Variants in TAFA1 observed in about 807,000 individuals in gnomAD.
TAFA1 encodes TAFA chemokine like family member 1.
A neutral mutation model predicts 18.5 loss-of-function variants in TAFA1; 4 were observed. That is an observed-to-expected ratio of 0.22 (90% CI 0.11 to 0.49). The LOEUF is 0.49. TAFA1 is among the 20% of genes least tolerant of loss of function. TAFA1 has a pLI of 0.98. For missense variants in TAFA1, 147 were observed against 169.0 expected (o/e 0.87, Z 0.72); for synonymous variants, 56 against 55.2 (o/e 1.01, Z -0.06).
chr3:68,211,382 G>T (rs2066594691), intron 2 of TAFA1, among the ~76,000 whole-genome samples: 1 of 152,024 alleles, frequency 6.6e-6, no homozygotes, highest in Non-Finnish European at 1.5e-5. Context: ...TAAGAGAGAA[G>T]ATTCTAAACA....
At chr3:68,360,070 G>A (rs2069441643) in intron 2 of TAFA1, among the ~76,000 whole-genome samples, 1 of 151,908 alleles carries the variant, frequency 6.6e-6, no homozygotes, top group Non-Finnish European at 1.5e-5. Flanking sequence ...ATTATTTGCA[G>A]CTATGATTGA....
At chr3:68,287,730 T>C (rs1002234998) in intron 2 of TAFA1, among the ~76,000 whole-genome samples, 1 of 152,124 alleles carries the variant, frequency 6.6e-6, no homozygotes, top group Non-Finnish European at 1.5e-5. Flanking sequence ...TGGCTTGCAT[T>C]GCGCACTATA....
At chr3:68,165,784 C>A (rs1455521491) in intron 2 of TAFA1, among the ~76,000 whole-genome samples, 2 of 152,182 alleles carry the variant, frequency 1.3e-5, no homozygotes, top group Non-Finnish European at 2.9e-5. Context: ...GAAAGATGGA[C>A]AATACATGAG....
At chr3:68,372,712 C>G (rs1034276143) in intron 2 of TAFA1, among the ~76,000 whole-genome samples, 3 of 151,908 alleles carry the variant, frequency 2.0e-5, no homozygotes. Flanking sequence ...CTGCAAAAAC[C>G]CACATGCAAG....
intron 2 of TAFA1, among the ~76,000 whole-genome samples, chr3:68,023,825 G>T (rs1236895057): frequency 6.6e-6 from 1 of 152,038 alleles, no homozygotes; most frequent in African/African-American, 2.4e-5. Flanking sequence ...TTGTCATATG[G>T]CCCAGCTCCT....
chr3:68,140,177 G>A (rs1051468589), intron 2 of TAFA1, among the ~76,000 whole-genome samples: 3 of 152,150 alleles, frequency 2.0e-5, no homozygotes, highest in Non-Finnish European at 4.4e-5. Context: ...CAGCCTATGT[G>A]GGAGGCTAAT....
intron 2 of TAFA1, among the ~76,000 whole-genome samples, chr3:68,393,734 A>C (rs2070312895): frequency 6.6e-6 from 1 of 152,230 alleles, no homozygotes; most frequent in Admixed American, 6.5e-5. Context: ...AATATAATCC[A>C]TCACAGAAAC....
chr3:68,486,745 G>A (rs1021297023), intron 3 of TAFA1, among the ~76,000 whole-genome samples: 1 of 152,138 alleles, frequency 6.6e-6, no homozygotes, highest in African/African-American at 2.4e-5. Context: ...TCATTAAAAA[G>A]GTAAGCATTC....
rs576568287 is a variant in TAFA1 at position 68,082,055 on chromosome 3, G to A, written c.118+75311G>A. On this transcript the variant is annotated intron_variant, in intron 2 of 4. Coordinates refer to ENST00000478136, the MANE Select transcript of TAFA1 (RefSeq NM_213609.4). ...AGCCCATTGGAAAAGCGCAGTACTC[G>A]GGTGGGAGTGACCCAATTTTCCAGT... Among the ~76,000 whole-genome samples the A allele has an allele frequency of 5.9e-5, 9 of 152,338 alleles. No individual in the cohort carries two copies. In the South Asian group the frequency reaches 8.3e-4, roughly 14 times the overall value.
chr3:68,512,377 T>C (rs1471689035), intron 3 of TAFA1, among the ~76,000 whole-genome samples: 2 of 152,146 alleles, frequency 1.3e-5, no homozygotes, highest in Non-Finnish European at 2.9e-5. Flanking sequence ...GTAATGTACT[T>C]TTAAAAGAAA....
At chr3:68,372,560 A>T (rs1180460227) in intron 2 of TAFA1, among the ~76,000 whole-genome samples, 1 of 152,198 alleles carries the variant, frequency 6.6e-6, no homozygotes, top group Non-Finnish European at 1.5e-5. Flanking sequence ...ACTAATTGTT[A>T]ATCACATGAC....
intron 2 of TAFA1, among the ~76,000 whole-genome samples, chr3:68,366,087 A>C (rs1199881979): frequency 6.8e-6 from 1 of 147,936 alleles, no homozygotes; most frequent in African/African-American, 2.5e-5. Flanking sequence ...CTCCATCTCA[A>C]AAAAAAAAAA....
chr3:68,461,445 A>T (rs184352644), intron 3 of TAFA1, among the ~76,000 whole-genome samples: 49 of 147,694 alleles, frequency 3.3e-4, no homozygotes, highest in Admixed American at 1.7e-3. Flanking sequence ...TATGTGATCC[A>T]ATTATTTTTC....
chr3:68,069,319 G>A (rs1272464730), intron 2 of TAFA1, among the ~76,000 whole-genome samples: 1 of 152,182 alleles, frequency 6.6e-6, no homozygotes, highest in Non-Finnish European at 1.5e-5. Flanking sequence ...TGTGGATGGT[G>A]GCAGGCAAAG....
chr3:68,502,743 T>C (rs1269173220), intron 3 of TAFA1, among the ~76,000 whole-genome samples: 2 of 152,054 alleles, frequency 1.3e-5, no homozygotes, highest in African/African-American at 4.8e-5. Flanking sequence ...TGAGACACAA[T>C]ATGCAAAGAG....
At chr3:68,295,815 G>A (rs967454337) in intron 2 of TAFA1, among the ~76,000 whole-genome samples, 6 of 151,980 alleles carry the variant, frequency 3.9e-5, no homozygotes, top group African/African-American at 1.5e-4. Context: ...TTGCTATGTT[G>A]CCCAGGCTAG....
intron 2 of TAFA1, among the ~76,000 whole-genome samples, chr3:68,016,066 TA>T: frequency 6.6e-6 from 1 of 152,336 alleles, no homozygotes; most frequent in Middle Eastern, 3.4e-3. Flanking sequence ...CCTTGTTTTT[TA>T]ATTATAAATT....
At chr3:68,273,162 G>T (rs376355981) in intron 2 of TAFA1, among the ~76,000 whole-genome samples, 3 of 152,112 alleles carry the variant, frequency 2.0e-5, no homozygotes, top group Non-Finnish European at 4.4e-5. Flanking sequence ...GATTCTATAA[G>T]CTAAGGTGTA....
intron 2 of TAFA1, among the ~76,000 whole-genome samples, chr3:68,123,003 C>T (rs2065419911): frequency 7.1e-6 from 1 of 140,928 alleles, no homozygotes. Context: ...AAAAAAAAAC[C>T]CTTTTTTTTC....
Sources: gnomAD v4.1 joint callset for allele counts (sites outside exome capture counted in the v4.1 genomes callset) on GRCh38, gnomAD v4.1.1 for gene constraint, MANE v1.5 for transcripts, NCBI Gene and HGNC (gene_info 2026-07-23, HGNC 2026-07-21) for gene names.